The following LHFPL4 variants were observed in gnomAD, a reference collection of about 807,000 sequenced individuals.
LHFPL4 encodes the protein LHFPL tetraspan subfamily member 4 protein.
In LHFPL4, 6 loss-of-function variants were observed where a neutral mutation model predicts 20.0. That is an observed-to-expected ratio of 0.30 (90% CI 0.16 to 0.59). The LOEUF is 0.59. Ranked by LOEUF, LHFPL4 falls within the 20% of genes least tolerant of loss-of-function variation. The pLI is 0.88. For missense variants in LHFPL4, 215 were observed against 331.2 expected, an observed-to-expected ratio of 0.65 and a Z score of 2.72; for synonymous variants, 129 against 143.8, an observed-to-expected ratio of 0.90 and a Z score of 0.74.
intron 2 of LHFPL4, among the ~76,000 whole-genome samples, chr3:9,512,233 A>G (rs557529095): frequency 1.1e-4 from 16 of 152,136 alleles, no homozygotes; most frequent in African/African-American, 3.9e-4. Context: ...GCCGGCCTAC[A>G]TGGCAATTTT....
chr3:9,509,805 A>C (rs2648419), intron 2 of LHFPL4, among the ~76,000 whole-genome samples: 146,113 of 152,310 alleles, frequency 0.96, 70,134 homozygotes, highest in Middle Eastern at 1. Context: ...GGACCAGTAG[A>C]GATAGCCTAG....
rs143681577 is a variant in LHFPL4 at position 9,529,588 on chromosome 3, G to T, written c.406+22686C>A. 6.1e-3 allele frequency among the ~76,000 whole-genome samples: 929 copies of T among 152,194 alleles called. 11 individuals carry two copies. The highest frequency in any genetic ancestry group is 0.02 in the African/African-American group (841 of 41,518). On this transcript the variant is annotated intron_variant, in intron 2 of 3. Coordinates refer to ENST00000287585, the MANE Select transcript of LHFPL4 (RefSeq NM_198560.3). Reference sequence around the variant, plus strand: ...TTCCTGAGAGCGCTTGTGTGACCAGGTGCATTATAAATGAGCACTAATATT... The same window carrying T: ...TTCCTGAGAGCGCTTGTGTGACCAGTTGCATTATAAATGAGCACTAATATT...
chr3:9,502,424 G>A (rs866439502), intron 3 of LHFPL4, 113 bp from the exon 4 acceptor site: 11 of 772,994 alleles, frequency 1.4e-5, no homozygotes, highest in African/African-American at 6.9e-5. Context: ...CAGAGGGGCC[G>A]GGCGCGGTGG....
intron 2 of LHFPL4, chr3:9,550,892 T>C (rs1042197173): frequency 6.6e-6 from 1 of 152,190 alleles, no homozygotes; most frequent in African/African-American, 2.4e-5. Context: ...GAGGCAGTAA[T>C]TCCTCCCTGG....
At chr3:9,525,738 T>TA (rs1005694304) in intron 2 of LHFPL4, among the ~76,000 whole-genome samples, 2 of 152,008 alleles carry the variant, frequency 1.3e-5, no homozygotes, top group African/African-American at 4.8e-5. Context: ...ATCATAATTT[T>TA]AAAAAAAATC....
At chr3:9,523,142 G>C (rs2046351149) in intron 2 of LHFPL4, among the ~76,000 whole-genome samples, 1 of 151,634 alleles carries the variant, frequency 6.6e-6, no homozygotes, top group Non-Finnish European at 1.5e-5. Context: ...AAGCGAGCCA[G>C]GCATGGTGGC....
intron 2 of LHFPL4, among the ~76,000 whole-genome samples, chr3:9,522,085 A>G (rs1422809543): frequency 6.6e-6 from 1 of 152,154 alleles, no homozygotes; most frequent in East Asian, 1.9e-4. Flanking sequence ...TTTGCAATAT[A>G]CATTTCCAAC....
chr3:9,511,493 T>G (rs1014155990), intron 2 of LHFPL4, among the ~76,000 whole-genome samples: 1 of 152,192 alleles, frequency 6.6e-6, no homozygotes, highest in Non-Finnish European at 1.5e-5. Context: ...GCACAGATAG[T>G]TCCTTACTGC....
intron 2 of LHFPL4, among the ~76,000 whole-genome samples, chr3:9,511,006 G>T (rs148711325): frequency 6.6e-6 from 1 of 151,780 alleles, no homozygotes; most frequent in African/African-American, 2.4e-5. Context: ...TTAACTATGT[G>T]CCAGAGTGCT....
intron 2 of LHFPL4, among the ~76,000 whole-genome samples, chr3:9,542,577 T>G (rs2046484017): frequency 6.6e-6 from 1 of 151,424 alleles, no homozygotes; most frequent in Non-Finnish European, 1.5e-5. Flanking sequence ...GAGATCGAGG[T>G]GGAAGGATTG....
chr3:9,553,609 G>C (rs993805391), intron 1 of LHFPL4, 76 bp downstream of exon 1: 9 of 151,362 alleles, frequency 5.9e-5, no homozygotes, highest in Non-Finnish European at 1.2e-4. Flanking sequence ...GCCGGGGTTG[G>C]GGGGGCGGCT....
chr3:9,536,874 G>A (rs1356147811), intron 2 of LHFPL4, among the ~76,000 whole-genome samples: 3 of 150,814 alleles, frequency 2.0e-5, no homozygotes, highest in South Asian at 2.1e-4. Flanking sequence ...AGCTGAGATC[G>A]CGCCACTGCA....
In LHFPL4 at chr3:9,552,473, C is replaced by G. The variant is rs2046562019; in HGVS notation, c.207G>C (p.Gly69=). The G allele has an allele frequency of 6.2e-7, 1 of 1,612,966 alleles. No homozygotes were observed. Among genetic ancestry groups the G allele is most frequent in the Admixed American group, 1.7e-5 (1 of 59,958 alleles). Residue 69 remains glycine (G), a synonymous_variant, in exon 2 of 4, where the codon GGG becomes GGC. Transcript: ENST00000287585. ...GGCAGGTGAGCTCGCGGCCCGCCAGCCCGCTGCCCACGCAGTAGTGGAAGA... is the reference window on the plus strand; with the variant it reads ...GGCAGGTGAGCTCGCGGCCCGCCAGGCCGCTGCCCACGCAGTAGTGGAAGA... ...FGLFHYCVGS[G]LAGRELTCRG...
intron 3 of LHFPL4, among the ~76,000 whole-genome samples, chr3:9,503,302 G>T (rs1213628180): frequency 6.6e-6 from 1 of 152,170 alleles, no homozygotes; most frequent in African/African-American, 2.4e-5. Context: ...AGGACACCGA[G>T]GGGGCCCACT....
At chr3:9,512,385 G>A (rs576179676) in intron 2 of LHFPL4, among the ~76,000 whole-genome samples, 2 of 152,308 alleles carry the variant, frequency 1.3e-5, no homozygotes, top group East Asian at 1.9e-4. Flanking sequence ...TAAGGGTGGC[G>A]TGTGAGCAGG....
At chr3:9,535,814 T>G (rs1229496539) in intron 2 of LHFPL4, among the ~76,000 whole-genome samples, 4 of 152,190 alleles carry the variant, frequency 2.6e-5, no homozygotes, top group Non-Finnish European at 4.4e-5. Flanking sequence ...TTATAATTTC[T>G]TTTTGAGATA....
intron 3 of LHFPL4, among the ~76,000 whole-genome samples, chr3:9,504,783 C>T (rs1333940155): frequency 1.3e-5 from 2 of 151,184 alleles, no homozygotes; most frequent in East Asian, 3.9e-4. Flanking sequence ...GGAGATCGCG[C>T]CACTGCACTC....
chr3:9,541,726 C>G (rs894069857), intron 2 of LHFPL4, among the ~76,000 whole-genome samples: 1 of 148,742 alleles, frequency 6.7e-6, no homozygotes, highest in African/African-American at 2.4e-5. Flanking sequence ...GAGTCGAGAT[C>G]GCACCACTGC....
chr3:9,528,630 T>A (rs887962964), intron 2 of LHFPL4, among the ~76,000 whole-genome samples: 6 of 152,172 alleles, frequency 3.9e-5, no homozygotes, highest in South Asian at 2.1e-4. Flanking sequence ...TATTATTATT[T>A]TTTGAGACGG....
Sources: allele counts gnomAD v4.1 joint callset (sites outside exome capture counted in the v4.1 genomes callset), GRCh38; gene constraint gnomAD v4.1.1; transcripts MANE v1.5; gene names NCBI Gene and HGNC (gene_info 2026-07-23, HGNC 2026-07-21).